PCDHGB3: variants seen among roughly 807,000 people sequenced by gnomAD.
PCDHGB3 encodes the protein protocadherin gamma subfamily B, 3.
In PCDHGB3, 40 loss-of-function variants were observed where a neutral mutation model predicts 59.2. That is an observed-to-expected ratio of 0.68 (90% CI 0.52 to 0.88). The LOEUF (loss-of-function observed/expected upper bound fraction) is 0.88, where lower values mean the gene tolerates loss of function less well. Among genes scored for constraint, PCDHGB3 ranks in the 40% least tolerant of loss-of-function variants. PCDHGB3 has a pLI of 0.00. For missense variants in PCDHGB3, 1,309 were observed against 1,187.9 expected (o/e 1.10, Z -1.50); for synonymous variants, 581 against 503.6 (o/e 1.15, Z -2.06).
At chr5:141,375,993 C>G in intron 1 of PCDHGB3, 1 of 1,613,468 alleles carries the variant, frequency 6.2e-7, no homozygotes, top group Non-Finnish European at 8.5e-7. Flanking sequence ...GACAGAGACG[C>G]GCTCAAGCAG....
At chr5:141,374,833 T>C in intron 1 of PCDHGB3, 7 of 1,613,930 alleles carry the variant, frequency 4.3e-6, no homozygotes, top group Non-Finnish European at 5.9e-6. Flanking sequence ...ACCGTGTAAG[T>C]GTTCCTGAAA....
At chr5:141,410,526 C>T in intron 1 of PCDHGB3, 4 of 1,613,920 alleles carry the variant, frequency 2.5e-6, no homozygotes, top group Non-Finnish European at 3.4e-6. Context: ...CCCCTACATT[C>T]CAATGAAGAC....
chr5:141,399,831 TG>T (rs1368149251), intron 1 of PCDHGB3: 1 of 1,613,172 alleles, frequency 6.2e-7, no homozygotes, highest in South Asian at 1.1e-5. Flanking sequence ...CCGACGGCTC[TG>T]CGCTCTTCGA....
At position 141,371,745 on chromosome 5, in the gene PCDHGB3, G is replaced by C. The variant is rs767038146; in HGVS notation, c.1351G>C (p.Val451Leu). The C allele has an allele frequency of 6.2e-7, 1 of 1,614,002 alleles. No homozygotes were observed. The highest frequency in any genetic ancestry group is 8.5e-7 in the Non-Finnish European group (1 of 1,179,882). ...HILDVNDNVP[V>L]FHQASYTVHV... ...CCTTGATGTCAACGACAACGTTCCC[G>C]TTTTCCACCAGGCCTCCTACACCGT... The change falls in exon 1 of 4, where the codon GTT (valine) becomes CTT (leucine). Residue 451 changes from valine to leucine, a missense_variant. Physicochemically the swap from Val to Leu is conservative, Grantham distance 32 (BLOSUM62 1). Transcript: ENST00000576222.
chr5:141,449,693 G>A (rs2098652097), intron 1 of PCDHGB3, among the ~76,000 whole-genome samples: 1 of 150,164 alleles, frequency 6.7e-6, no homozygotes, highest in South Asian at 2.1e-4. Flanking sequence ...TTGTGTGTAT[G>A]TACACAAACA....
Position 141,432,016 on chromosome 5 carries a change from C to T in PCDHGB3, c.2415+59207C>T, listed in dbSNP as rs771650925. The T allele has an allele frequency of 1.2e-6, 2 of 1,614,202 alleles. No homozygotes were observed. The highest frequency in any genetic ancestry group is 3.3e-5 in the Admixed American group (2 of 60,030). On this transcript the variant is annotated intron_variant, in intron 1 of 3. Coordinates refer to ENST00000576222, the MANE Select transcript of PCDHGB3 (RefSeq NM_018924.5). This position sits in a 1 kb window ranked among gnomAD's most constrained non-coding sequence, Gnocchi z 6.0. ...ATAGGGAACAGGTTCCTAGCTACAA[C>T]ATCACAGTGACCGCCACTGACCGGG...
chr5:141,449,708 AT>A (rs2098652573), intron 1 of PCDHGB3, among the ~76,000 whole-genome samples: 1 of 151,520 alleles, frequency 6.6e-6, no homozygotes. Context: ...CAAACACATT[AT>A]TTTTATATGA....
chr5:141,413,711 A>G (rs752076648), intron 1 of PCDHGB3: 199 of 1,613,564 alleles, frequency 1.2e-4, no homozygotes, highest in Non-Finnish European at 1.4e-4. Context: ...CTCAGCCCCA[A>G]TAAGCACTTC....
rs1375469711 is a variant in PCDHGB3, at chr5:141,512,102, C to A, written c.*929C>A. On this transcript the variant is annotated 3_prime_UTR_variant, in exon 4 of 4. Coordinates refer to ENST00000576222, the MANE Select transcript of PCDHGB3 (RefSeq NM_018924.5). ...GCCATAAACCAATAACTAGGCTGGA[C>A]CCTTCCCACTACATAATAGGGCTCA... The A allele has an allele frequency of 6.5e-6, 1 of 152,688 alleles. No individual in the cohort carries two copies. Among genetic ancestry groups the A allele is most frequent in the Non-Finnish European group, 1.5e-5 (1 of 68,070 alleles). The allele number at this position is 152,688 out of a possible 1,614,324, so 9.5% of individuals were successfully genotyped here. A position where few individuals can be genotyped will look rare whatever the true frequency, so the allele number is the denominator to read the frequency against.
chr5:141,396,662 G>C (rs1589287769), intron 1 of PCDHGB3: 1 of 151,614 alleles, frequency 6.6e-6, no homozygotes, highest in Admixed American at 6.6e-5. Context: ...ACTCGGTATA[G>C]GCTATCCATT....
intron 1 of PCDHGB3, chr5:141,492,023 C>T: frequency 1.8e-6 from 1 of 564,804 alleles, no homozygotes; most frequent in Non-Finnish European, 3.0e-6. Context: ...TCGGGGGTCC[C>T]GGGAGGAGGC....
At position 141,394,582 on chromosome 5, in the gene PCDHGB3, A is replaced by C. The variant is rs1459158771; in HGVS notation, c.2415+21773A>C. The C allele has an allele frequency of 2.5e-6, 4 of 1,613,598 alleles. No individual in the cohort carries two copies. In the African/African-American group the frequency reaches 4.0e-5, roughly 16 times the overall value. ...GCAGAGCGTGGCTACCTGGTGACCA[A>C]GGTGGTGGCGGTGGACAGAGACTCG... On this transcript the variant is annotated intron_variant, in intron 1 of 3. Coordinates refer to ENST00000576222, the MANE Select transcript of PCDHGB3 (RefSeq NM_018924.5).
intron 1 of PCDHGB3, chr5:141,393,160 T>A: frequency 6.2e-7 from 1 of 1,613,204 alleles, no homozygotes; most frequent in Non-Finnish European, 8.5e-7. Context: ...AAAGGAAAAC[T>A]CTTTGGGGTA....
chr5:141,399,773 G>A (rs750173338), intron 1 of PCDHGB3: 3 of 1,613,302 alleles, frequency 1.9e-6, no homozygotes, highest in Admixed American at 1.7e-5. Flanking sequence ...GTGTTGGTGG[G>A]CGACCGAAAC....
At chr5:141,443,751 A>C (rs1372334547) in intron 1 of PCDHGB3, among the ~76,000 whole-genome samples, 3 of 152,230 alleles carry the variant, frequency 2.0e-5, no homozygotes, top group African/African-American at 7.2e-5. Context: ...GTGAATTGGA[A>C]GCTTACAATA....
chr5:141,383,924 A>T (rs1215078494), intron 1 of PCDHGB3: 1 of 1,613,832 alleles, frequency 6.2e-7, no homozygotes, highest in Non-Finnish European at 8.5e-7. Context: ...GATGTAAATG[A>T]TAATGCTCCA....
rs141958687 is a variant in PCDHGB3 at position 141,509,744 on chromosome 5, G to A, written c.2564-1203G>A. 3.3e-3 allele frequency among the ~76,000 whole-genome samples: 509 copies of A among 152,266 alleles called. 3 individuals are homozygous for A. The highest frequency in any genetic ancestry group is 5.5e-3 in the Non-Finnish European group (372 of 68,024). On this transcript the variant is annotated intron_variant, in intron 3 of 3. Coordinates refer to ENST00000576222, the MANE Select transcript of PCDHGB3 (RefSeq NM_018924.5). ...CACCTAGCTGTGGCACTCTGAGCCT[G>A]TGCCTAAAGTGTCCCTGAGATGTCT...
chr5:141,384,940 T>A lies in PCDHGB3; in HGVS notation c.2415+12131T>A, dbSNP rs781038163. The A allele has an allele frequency of 1.2e-6, 2 of 1,613,942 alleles. No individual in the cohort carries two copies. The highest frequency in any genetic ancestry group is 1.7e-6 in the Non-Finnish European group (2 of 1,179,994). ...GGCCGACCTGGGCAGCCTTGAGCCCTCCGACGGTCCTTACAACTATGACCT... is the reference window on the plus strand; with the variant it reads ...GGCCGACCTGGGCAGCCTTGAGCCCACCGACGGTCCTTACAACTATGACCT... On this transcript the variant is annotated intron_variant, in intron 1 of 3. Coordinates refer to ENST00000576222, the MANE Select transcript of PCDHGB3 (RefSeq NM_018924.5).
chr5:141,498,531 G>A (rs1384404653), intron 2 of PCDHGB3, among the ~76,000 whole-genome samples: 3 of 148,544 alleles, frequency 2.0e-5, no homozygotes, highest in Non-Finnish European at 4.4e-5. Context: ...CTGCCCTCCA[G>A]CCTGGTCTGG....
Sources: allele counts gnomAD v4.1 joint callset (sites outside exome capture counted in the v4.1 genomes callset), GRCh38; gene constraint gnomAD v4.1.1; non-coding constraint Gnocchi (gnomAD v3.1); transcripts MANE v1.5; gene names NCBI Gene and HGNC (gene_info 2026-07-23, HGNC 2026-07-21).